The following TNIK variants were observed in gnomAD, a reference collection of about 807,000 sequenced individuals.
TNIK encodes the protein TRAF2 and NCK-interacting protein kinase.
Under a neutral mutation model 191.3 loss-of-function variants are expected in TNIK, and 49 were observed. The observed-to-expected ratio is 0.26, with a 90% CI of 0.20 to 0.32. The LOEUF (loss-of-function observed/expected upper bound fraction) is 0.32. TNIK is among the 10% of genes least tolerant of loss of function. TNIK has a pLI of 1.00. For missense variants in TNIK, 1,155 were observed against 1,702.3 expected (o/e 0.68, Z 5.66); for synonymous variants, 594 against 600.9 (o/e 0.99, Z 0.17).
At position 171,108,129 on chromosome 3, in the gene TNIK, G is replaced by A; in HGVS notation, c.2318C>T (p.Pro773Leu). The change falls in exon 20 of 33, where the codon CCC becomes CTC. Residue 773 changes from proline (P) to leucine (L), a missense_variant. Coordinates refer to ENST00000436636, the MANE Select transcript of TNIK (RefSeq NM_015028.4). ...NSKSEGSPVL[P>L]HEPAKVKPEE... Reference sequence around the variant, plus strand: ...TGGTTTCACCTTCGCAGGCTCATGGGGGAGCACAGGTGATCCTTCTGACTT... The same window carrying A: ...TGGTTTCACCTTCGCAGGCTCATGGAGGAGCACAGGTGATCCTTCTGACTT... The A allele has an allele frequency of 6.3e-7, 1 of 1,575,394 alleles. No homozygotes were observed. Among genetic ancestry groups the A allele is most frequent in the South Asian group, 1.2e-5 (1 of 85,254 alleles).
chr3:171,374,151 A>T (rs533342959), intron 1 of TNIK, among the ~76,000 whole-genome samples: 10 of 152,344 alleles, frequency 6.6e-5, no homozygotes, highest in Non-Finnish European at 1.5e-4. Context: ...CAGAATGTAG[A>T]GCCAAAGGTC....
intron 26 of TNIK, among the ~76,000 whole-genome samples, chr3:171,083,704 T>C (rs188596756): frequency 6.6e-6 from 1 of 152,204 alleles, no homozygotes; most frequent in Admixed American, 6.5e-5. Context: ...TCTGGGCTGA[T>C]TTTTCAGCTT....
chr3:171,254,048 C>T (rs1410832544), intron 2 of TNIK, among the ~76,000 whole-genome samples: 1 of 152,154 alleles, frequency 6.6e-6, no homozygotes, highest in African/African-American at 2.4e-5. Flanking sequence ...AATATCTGCT[C>T]TTAAATTCTT....
At chr3:171,257,144 C>T (rs1244527961) in intron 2 of TNIK, among the ~76,000 whole-genome samples, 2 of 152,178 alleles carry the variant, frequency 1.3e-5, no homozygotes, top group African/African-American at 4.8e-5. Context: ...AAGAAGACTG[C>T]TCACCACTGT....
At chr3:171,272,404 T>C (rs1007568216) in intron 2 of TNIK, among the ~76,000 whole-genome samples, 2 of 152,168 alleles carry the variant, frequency 1.3e-5, no homozygotes, top group Non-Finnish European at 2.9e-5. Context: ...CAGCCATGAA[T>C]TGCTAAGGGG....
rs111993309 is a variant in TNIK at position 171,181,051 on chromosome 3, A to C, written c.640-3671T>G. Among the ~76,000 whole-genome samples, 250 of 152,364 alleles carry C rather than the reference A, an allele frequency of 1.6e-3. 2 individuals carry two copies. Among genetic ancestry groups the C allele is most frequent in the African/African-American group, 3.6e-3 (151 of 41,596 alleles). On this transcript the variant is annotated intron_variant, in intron 7 of 32. Coordinates refer to ENST00000436636, the MANE Select transcript of TNIK (RefSeq NM_015028.4). The stretch of plus-strand genomic sequence containing the variant: ...GAGATGAGGTTTCACTATGTGGCTC[A>C]GGCTGGTCTTGAACTCCTGGGCTCA...
chr3:171,250,608 G>C (rs1746116883), intron 2 of TNIK, among the ~76,000 whole-genome samples: 1 of 152,174 alleles, frequency 6.6e-6, no homozygotes, highest in African/African-American at 2.4e-5. Flanking sequence ...TCAGCTGTGG[G>C]AGGTGGGAAC....
chr3:171,320,991 A>AG (rs1482788484), intron 2 of TNIK, among the ~76,000 whole-genome samples: 1 of 152,232 alleles, frequency 6.6e-6, no homozygotes, highest in Non-Finnish European at 1.5e-5. Flanking sequence ...GCAACGAAGC[A>AG]GGGTGTCGGG....
chr3:171,083,737 T>G lies in TNIK; in HGVS notation c.3169+418A>C, dbSNP rs540623137. On this transcript the variant is annotated intron_variant, in intron 26 of 32. Transcript: ENST00000436636. ...CTTGAAATAAAGGTTTATGCCATTATTTATGCTCATATTCCCCTTGCAGGA... is the reference window on the plus strand; with the variant it reads ...CTTGAAATAAAGGTTTATGCCATTAGTTATGCTCATATTCCCCTTGCAGGA... Among the ~76,000 whole-genome samples, 395 of 124,046 alleles carry G rather than the reference T, an allele frequency of 3.2e-3. 1 individual carries two copies. Among genetic ancestry groups the G allele is most frequent in the African/African-American group, 0.012 (369 of 31,314 alleles). The allele number at this position is 124,046 out of a possible 152,430, so 81.4% of individuals were successfully genotyped here. A position where few individuals can be genotyped will look rare whatever the true frequency, so the allele number is the denominator to read the frequency against.
At chr3:171,214,188 A>C (rs1266527547) in intron 3 of TNIK, among the ~76,000 whole-genome samples, 2 of 151,658 alleles carry the variant, frequency 1.3e-5, no homozygotes, top group Non-Finnish European at 2.9e-5. Context: ...AGATGGCAGT[A>C]AGTTATTCAG....
At chr3:171,378,074 A>T (rs1278224116) in intron 1 of TNIK, among the ~76,000 whole-genome samples, 3 of 152,250 alleles carry the variant, frequency 2.0e-5, no homozygotes, top group Admixed American at 1.3e-4. Flanking sequence ...GGCTGGGAGC[A>T]TAGAAGTTTT....
intron 2 of TNIK, among the ~76,000 whole-genome samples, chr3:171,341,613 G>C (rs1376962877): frequency 6.6e-6 from 1 of 151,124 alleles, no homozygotes; most frequent in Non-Finnish European, 1.5e-5. Flanking sequence ...TGCAGATGTG[G>C]CAGAAAGCCC....
At chr3:171,149,582 C>G (rs149214594) in intron 12 of TNIK, among the ~76,000 whole-genome samples, 6 of 152,284 alleles carry the variant, frequency 3.9e-5, no homozygotes, top group African/African-American at 1.4e-4. Flanking sequence ...ACAAGAAGCC[C>G]TTTTGCGATC....
chr3:171,371,468 G>C (rs901595626), intron 1 of TNIK, among the ~76,000 whole-genome samples: 1 of 152,174 alleles, frequency 6.6e-6, no homozygotes, highest in East Asian at 1.9e-4. Flanking sequence ...TACATTACCT[G>C]CTCTTACAAA....
In TNIK at chr3:171,093,219, C is replaced by T. The variant is rs535485842; in HGVS notation, c.2721+620G>A. On this transcript the variant is annotated intron_variant, in intron 23 of 32. Transcript: ENST00000436636. ...TTAGCATGGACACAGTGGGGAGTTACTGCATGTCAGAAGGACAGATGAAAG... is the reference window on the plus strand; with the variant it reads ...TTAGCATGGACACAGTGGGGAGTTATTGCATGTCAGAAGGACAGATGAAAG... 2.0e-5 allele frequency among the ~76,000 whole-genome samples: 3 copies of T among 152,164 alleles called. No individual in the cohort carries two copies. The East Asian group carries it at 5.8e-4, about 29-fold the overall frequency.
intron 18 of TNIK, among the ~76,000 whole-genome samples, chr3:171,113,488 C>T (rs1346934706): frequency 6.6e-6 from 1 of 151,880 alleles, no homozygotes; most frequent in Non-Finnish European, 1.5e-5. Context: ...TGCCTGTATT[C>T]TCAGCTAGTT....
At chr3:171,107,991 AT>A in intron 20 of TNIK, 73 bp downstream of exon 20, 1 of 1,464,160 alleles carries the variant, frequency 6.8e-7, no homozygotes, top group Non-Finnish European at 9.3e-7. Context: ...TCATGAGTGT[AT>A]CCCCAACTAC....
intron 18 of TNIK, 115 bp downstream of exon 18, chr3:171,123,481 T>A: frequency 1.3e-6 from 1 of 787,760 alleles, no homozygotes; most frequent in Admixed American, 3.2e-5. Flanking sequence ...ATAGTGCACA[T>A]GGAAAGTCAA....
rs115614944 is a variant in TNIK, at chr3:171,244,091, C to T, written c.124-15870G>A. ...TTTTTTTTTTTTTAAGACAGAGTCT[C>T]GCTCTGTCGCCCGCCGGGGTGGGAA... On this transcript the variant is annotated intron_variant, in intron 2 of 32. Coordinates refer to ENST00000436636, the MANE Select transcript of TNIK (RefSeq NM_015028.4). 6.8e-3 allele frequency among the ~76,000 whole-genome samples: 963 copies of T among 142,230 alleles called. 11 individuals carry two copies. Among genetic ancestry groups the T allele is most frequent in the African/African-American group, 0.024 (925 of 38,388 alleles). 93.3% of individuals were successfully genotyped at this position (142,230 alleles called of 152,430 possible).
Sources: allele counts gnomAD v4.1 joint callset (sites outside exome capture counted in the v4.1 genomes callset), GRCh38; gene constraint gnomAD v4.1.1; transcripts MANE v1.5; gene names NCBI Gene and HGNC (gene_info 2026-07-23, HGNC 2026-07-21).